The following CDX2 variants were observed in gnomAD, a reference collection of about 807,000 sequenced individuals.
The protein encoded by CDX2 is homeobox protein CDX-2.
In CDX2, 7 loss-of-function variants were observed where a neutral mutation model predicts 25.5. That is an observed-to-expected ratio of 0.27 (90% confidence interval 0.16 to 0.52). The LOEUF is 0.52. Among genes scored for constraint, CDX2 ranks in the 20% least tolerant of loss-of-function variants. CDX2 has a pLI of 0.97. For missense variants in CDX2, 375 were observed against 431.4 expected, an observed-to-expected ratio of 0.87 and a Z score of 1.16; for synonymous variants, 222 against 198.6, an observed-to-expected ratio of 1.12 and a Z score of -0.99.
Position 27,968,957 on chromosome 13 carries a change from G to C in CDX2, c.50C>G (p.Ser17Cys). 1 of 1,607,198 alleles carries C rather than the reference G, an allele frequency of 6.2e-7. No homozygotes were observed. Among genetic ancestry groups the C allele is most frequent in the African/African-American group, 1.3e-5 (1 of 74,962 alleles). ...LDKDVSMYPS[S>C]VRHSGGLNLA... Reference sequence around the variant, plus strand: ...GTTGAGGCCGCCAGAGTGGCGCACGGAGCTAGGGTACATGCTCACGTCCTT... The same window carrying C: ...GTTGAGGCCGCCAGAGTGGCGCACGCAGCTAGGGTACATGCTCACGTCCTT... The change falls in exon 1 of 3, where the codon TCC becomes TGC. Residue 17 changes from serine to cysteine, a missense_variant. Ser to Cys is a moderately radical substitution (Grantham distance 112, BLOSUM62 -1). This residue lies in a region of CDX2 where 253 missense variants were observed against 247.5 expected (regional missense o/e 1.02). Coordinates refer to ENST00000381020, the MANE Select transcript of CDX2 (RefSeq NM_001265.6).
chr13:27,966,133 G>A (rs1377883001), intron 1 of CDX2, among the ~76,000 whole-genome samples: 1 of 152,246 alleles, frequency 6.6e-6, no homozygotes, highest in Non-Finnish European at 1.5e-5. Flanking sequence ...AAACAATGCA[G>A]GACAAGGCGA....
chr13:27,963,042 T>G lies in CDX2; in HGVS notation c.*73A>C. ...TGGGTGGGAGGGGAGGGGTCTCTCC[T>G]GAGGAGTCTAGCAGAGTCCACGCTC... is the stretch of plus-strand genomic sequence containing the variant. On this transcript the variant is annotated 3_prime_UTR_variant, in exon 3 of 3. Transcript: ENST00000381020. 4.6e-6 allele frequency: 7 copies of G among 1,522,026 alleles called. No homozygotes were observed. Among genetic ancestry groups the G allele is most frequent in the Non-Finnish European group, 6.2e-6 (7 of 1,134,282 alleles). The allele number at this position is 1,522,026 out of a possible 1,614,324, so 94.3% of individuals were successfully genotyped here.
At chr13:27,965,698 C>G (rs1869285262) in intron 1 of CDX2, among the ~76,000 whole-genome samples, 1 of 152,256 alleles carries the variant, frequency 6.6e-6, no homozygotes, top group Non-Finnish European at 1.5e-5. Context: ...TGCTGCAAAT[C>G]CGGCCAGAGT....
Position 27,968,523 on chromosome 13 carries a change from G to A in CDX2, c.484C>T (p.Arg162Trp), listed in dbSNP as rs772263480. 4 of 1,564,020 alleles carry A rather than the reference G, an allele frequency of 2.6e-6. No individual in the cohort carries two copies. The highest frequency in any genetic ancestry group is 2.5e-5 in the East Asian group (1 of 40,296). The stretch of plus-strand genomic sequence containing the variant: ...CGCATCCACTCGCACAGGTTCCGCC[G>A]CTGGCCGCCGGGAGACAGCTGCTCG... The part of the protein sequence containing the change: ...AAEQLSPGGQ[R>W]RNLCEWMRKP... The change falls in exon 1 of 3, where the codon CGG becomes TGG. Residue 162 changes from arginine (R) to tryptophan (W), a missense_variant. Physicochemically the swap from Arg to Trp is moderately radical, Grantham distance 101. Around this residue, in one of 3 missense-constraint regions of CDX2, gnomAD observed 253 missense variants for 247.5 expected, o/e 1.02. Coordinates refer to ENST00000381020, the MANE Select transcript of CDX2 (RefSeq NM_001265.6).
At chr13:27,965,155 T>A in intron 1 of CDX2, 140 bp from the exon 2 acceptor site, 1 of 861,854 alleles carries the variant, frequency 1.2e-6, no homozygotes, top group Non-Finnish European at 1.8e-6. Flanking sequence ...TCCTGCCAAG[T>A]CTGACAAGAC....
chr13:27,961,567 G>T lies in CDX2; in HGVS notation c.*1548C>A, dbSNP rs1192409111. Among the ~76,000 whole-genome samples, 2 of 152,152 alleles carry T rather than the reference G, an allele frequency of 1.3e-5. No individual in the cohort carries two copies. Among genetic ancestry groups the T allele is most frequent in the African/African-American group, 4.8e-5 (2 of 41,422 alleles). On this transcript the variant is annotated 3_prime_UTR_variant, in exon 3 of 3. Transcript: ENST00000381020. The stretch of plus-strand genomic sequence containing the variant: ...GTGATTGGGTTGGAAGGGGGGGCGC[G>T]GTCGGGGATAAGGAAACTGCAAAGA...
chr13:27,969,238 T>C lies in CDX2; in HGVS notation c.-232A>G, dbSNP rs2137546879. ...TCTTCCTTCTTTCCTCCCACCTCCT[T>C]CCCACTAGGCTGCAGAGGCGGGGAA... On this transcript the variant is annotated 5_prime_UTR_variant, in exon 1 of 3. Transcript: ENST00000381020. The C allele has an allele frequency of 1.9e-6, 1 of 531,662 alleles. No homozygotes were observed. Among genetic ancestry groups the C allele is most frequent in the East Asian group, 3.5e-5 (1 of 28,828 alleles). 32.9% of individuals were successfully genotyped at this position (531,662 alleles called of 1,614,324 possible).
Position 27,968,631 on chromosome 13 carries a change from G to T in CDX2, c.376C>A (p.Pro126Thr). The T allele has an allele frequency of 6.5e-7, 1 of 1,536,908 alleles. No individual in the cohort carries two copies. ...GAAGCGCAGGAAGGCGCGGCGGCCG[G>T]GTGGTGCGGGTGGTGATGCGGGTGG... The part of the protein sequence containing the change: ...HHHPHHHPHH[P>T]AAAPSCASGL... Residue 126 changes from proline (P) to threonine (T), a missense_variant, in exon 1 of 3, where the codon CCG (proline) becomes ACG (threonine). Pro to Thr is a conservative substitution (Grantham distance 38). Coordinates refer to ENST00000381020, the MANE Select transcript of CDX2 (RefSeq NM_001265.6).
At chr13:27,966,465 GTA>G (rs1443801775) in intron 1 of CDX2, among the ~76,000 whole-genome samples, 1 of 152,256 alleles carries the variant, frequency 6.6e-6, no homozygotes, top group Non-Finnish European at 1.5e-5. Context: ...CACGCAGATA[GTA>G]TCAGGCGGGG....
rs542497316 is a variant in CDX2 at position 27,962,233 on chromosome 13, C to G, written c.*882G>C. 2.4e-4 allele frequency: 55 copies of G among 232,436 alleles called. No homozygotes were observed. Among genetic ancestry groups the G allele is most frequent in the African/African-American group, 1.1e-3 (50 of 45,272 alleles). 14.4% of individuals were successfully genotyped at this position (232,436 alleles called of 1,614,324 possible). A position where few individuals can be genotyped will look rare whatever the true frequency, so the allele number is the denominator to read the frequency against. ...TCCCTTCACCATATCACTTCTCCCC[C>G]CATGGATCCAGAAGGCTTTAAAAAC... On this transcript the variant is annotated 3_prime_UTR_variant, in exon 3 of 3. Transcript: ENST00000381020.
rs911866354 is a variant in CDX2, at chr13:27,961,378, G to C, written c.*1737C>G. ...GTTGGTGGGAAGATCGAAACGAAGG[G>C]CTAAGCCCCCCTCGCCCGGGTCCTG... On this transcript the variant is annotated 3_prime_UTR_variant, in exon 3 of 3. Transcript: ENST00000381020. 6.6e-6 allele frequency among the ~76,000 whole-genome samples: 1 copy of C among 152,196 alleles called. No homozygotes were observed. Among genetic ancestry groups the C allele is most frequent in the South Asian group, 2.1e-4 (1 of 4,832 alleles).
rs112550530 is a variant in CDX2 at position 27,961,481 on chromosome 13, T to C, written c.*1634A>G. On this transcript the variant is annotated 3_prime_UTR_variant, in exon 3 of 3. Transcript: ENST00000381020. ...CCCGGTCCCCAGTGGATCGGCCAGA[T>C]AACAAGAAACTGTCACTAAAAGGAT... Among the ~76,000 whole-genome samples, 9,222 of 152,150 alleles carry C rather than the reference T, an allele frequency of 0.061. 329 individuals carry two copies. Among genetic ancestry groups the C allele is most frequent in the Non-Finnish European group, 0.074 (5,030 of 68,002 alleles).
chr13:27,963,476 C>T, intron 2 of CDX2, 107 bp from the exon 3 acceptor site: 1 of 951,450 alleles, frequency 1.1e-6, no homozygotes, highest in Non-Finnish European at 1.5e-6. Context: ...CTACAGAACT[C>T]CAAGTCCTTC....
chr13:27,967,906 C>T (rs1566037669), intron 1 of CDX2, among the ~76,000 whole-genome samples: 1 of 152,200 alleles, frequency 6.6e-6, no homozygotes, highest in Non-Finnish European at 1.5e-5. Context: ...TCTCCCTGGT[C>T]TGCCTGCTCG....
chr13:27,962,460 CCTGGT>C lies in CDX2; in HGVS notation c.*650_*654del, dbSNP rs1869099283. On this transcript the variant is annotated 3_prime_UTR_variant, in exon 3 of 3. Coordinates refer to ENST00000381020, the MANE Select transcript of CDX2 (RefSeq NM_001265.6). ...TCTAAACAAGTCCCTGTTCGGGCCC[CCTGGT>C]CAGGCCTGGAGTCCAATAACCACCC... is the stretch of plus-strand genomic sequence containing the variant. The C allele has an allele frequency of 4.3e-6, 1 of 233,308 alleles. No homozygotes were observed. Among genetic ancestry groups the C allele is most frequent in the Admixed American group, 5.6e-5 (1 of 17,768 alleles). The allele number at this position is 233,308 out of a possible 1,614,324, so 14.5% of individuals were successfully genotyped here. A position where few individuals can be genotyped will look rare whatever the true frequency, so the allele number is the denominator to read the frequency against.
intron 1 of CDX2, among the ~76,000 whole-genome samples, chr13:27,968,198 C>A (rs779386663): frequency 3.9e-5 from 6 of 152,364 alleles, no homozygotes; most frequent in African/African-American, 1.4e-4. Context: ...CCGAAGGTGT[C>A]CCGGGGTTGC....
At position 27,968,665 on chromosome 13, in the gene CDX2, ATGG is replaced by A; in HGVS notation, c.339_341del (p.His114del). Reference sequence around the variant, plus strand: ...GGTGGTGATGCGGGTGGTGGTGCGGATGGTAGTCTGCGGGGCTGCTGTAGCCCA... The same window carrying A: ...GGTGGTGATGCGGGTGGTGGTGCGGATAGTCTGCGGGGCTGCTGTAGCCCA... On this transcript the variant is annotated inframe_deletion, in exon 1 of 3. Transcript: ENST00000381020. The A allele has an allele frequency of 6.5e-7, 1 of 1,533,388 alleles. No homozygotes were observed. Among genetic ancestry groups the A allele is most frequent in the East Asian group, 2.5e-5 (1 of 39,874 alleles). 95.0% of individuals were successfully genotyped at this position (1,533,388 alleles called of 1,614,324 possible).
intron 1 of CDX2, chr13:27,967,453 G>A (rs1869390811): frequency 2.2e-6 from 1 of 462,850 alleles, no homozygotes. Context: ...GCATCAAGGA[G>A]CGAAGCAAGA....
In CDX2 at chr13:27,961,131, C is replaced by G. The variant is rs1369678035; in HGVS notation, c.*1984G>C. The stretch of plus-strand genomic sequence containing the variant: ...CTCCTCTGCCCGGCACCCCCCGACC[C>G]CACGCCCCGCACTCCTCCCTCTGGC... On this transcript the variant is annotated 3_prime_UTR_variant, in exon 3 of 3. Transcript: ENST00000381020. Among the ~76,000 whole-genome samples the G allele has an allele frequency of 6.6e-6, 1 of 152,090 alleles. No homozygotes were observed. The highest frequency in any genetic ancestry group is 2.4e-5 in the African/African-American group (1 of 41,430).
Sources: gnomAD v4.1 joint callset for allele counts (sites outside exome capture counted in the v4.1 genomes callset) on GRCh38, gnomAD v4.1.1 for gene constraint, gnomAD v4.1.1 regional missense constraint, MANE v1.5 for transcripts, NCBI Gene and HGNC (gene_info 2026-07-23, HGNC 2026-07-21) for gene names.